MTERF4: variants seen among roughly 807,000 people sequenced by gnomAD.
The protein encoded by MTERF4 is mitochondrial transcription termination factor 4, also known as transcription termination factor 4, mitochondrial.
Under a neutral mutation model 22.5 loss-of-function variants are expected in MTERF4, and 17 were observed. The observed-to-expected ratio is 0.75, with a 90% CI of 0.52 to 1.13. The LOEUF is 1.13. Among genes scored for constraint, MTERF4 ranks in the 50% most tolerant of loss-of-function variants. MTERF4 has a pLI of 0.00. For synonymous variants in MTERF4, 165 were observed against 175.3 expected, an observed-to-expected ratio of 0.94 and a Z score of 0.47; for missense variants, 420 against 466.8, an observed-to-expected ratio of 0.90 and a Z score of 0.92.
intron 1 of MTERF4, 74 bp downstream of exon 1, chr2:241,102,179 C>A (rs533974160): frequency 1.3e-6 from 2 of 1,543,680 alleles, no homozygotes; most frequent in East Asian, 4.9e-5. Context: ...AAACACTCGG[C>A]GGCCGCGGTT....
the MTERF4 span, chr2:241,048,624 GC>G: frequency 6.4e-7 from 1 of 1,558,326 alleles, no homozygotes; most frequent in East Asian, 2.4e-5. Context: ...ATCTTTCTGC[GC>G]CCCCACATGG....
the MTERF4 span, among the ~76,000 whole-genome samples, chr2:241,043,679 A>T: frequency 6.6e-6 from 1 of 152,228 alleles, no homozygotes; most frequent in Non-Finnish European, 1.5e-5. Flanking sequence ...AATAAAATAG[A>T]TGACTCCAAT....
At chr2:241,101,068 G>C (rs987981881) in intron 1 of MTERF4, 1 of 433,414 alleles carries the variant, frequency 2.3e-6, no homozygotes, top group Non-Finnish European at 5.0e-6. Context: ...GACTGGTGAG[G>C]GGTTTCAGGA....
At chr2:241,065,330 G>A in the MTERF4 span, 3 of 1,612,950 alleles carry the variant, frequency 1.9e-6, no homozygotes, top group South Asian at 3.3e-5. Context: ...TCAAGATGGA[G>A]AGAGTGGAGG....
At chr2:241,069,919 G>T, downstream of MTERF4, 1 of 1,611,654 alleles carries the variant, frequency 6.2e-7, no homozygotes. The surrounding 1 kb of genome is among the most constrained non-coding windows in gnomAD (Gnocchi z 4.9). Context: ...GCCTCATCCA[G>T]GGCCCCTGCC....
chr2:241,052,117 T>C, the MTERF4 span: 12 of 1,613,568 alleles, frequency 7.4e-6, no homozygotes, highest in Non-Finnish European at 5.9e-6. Flanking sequence ...AATACAAGTG[T>C]GACTGTCCCC....
At chr2:241,052,401 C>T in the MTERF4 span, 34 of 1,597,868 alleles carry the variant, frequency 2.1e-5, no homozygotes, top group East Asian at 2.2e-4. Flanking sequence ...GGGGCACCTG[C>T]GAGGACCGGG....
the MTERF4 span, among the ~76,000 whole-genome samples, chr2:241,058,313 A>G: frequency 1.3e-5 from 2 of 152,062 alleles, no homozygotes; most frequent in African/African-American, 2.4e-5. Flanking sequence ...AGAAACTGAC[A>G]TTAATACCAA....
downstream of MTERF4, chr2:241,089,234 T>C: frequency 1.4e-6 from 2 of 1,438,952 alleles, no homozygotes; most frequent in Non-Finnish European, 1.9e-6. Context: ...GAATCTCTGG[T>C]TGGCCTAGGA....
chr2:241,099,347 T>C (rs1188503774), intron 2 of MTERF4, 49 bp downstream of exon 2: 1 of 1,569,468 alleles, frequency 6.4e-7, no homozygotes, highest in African/African-American at 1.4e-5. Context: ...AGATCTGGGA[T>C]TACAGGCATG....
chr2:241,099,400 T>C lies in MTERF4; in HGVS notation c.516A>G (p.Gly172=). 2 of 1,612,244 alleles carry C rather than the reference T, an allele frequency of 1.2e-6. No homozygotes were observed. Among genetic ancestry groups the C allele is most frequent in the East Asian group, 4.5e-5 (2 of 44,862 alleles). Residue 172 remains glycine, a synonymous_variant, in exon 2 of 4, where the codon GGA becomes GGG. Coordinates refer to ENST00000391980, the MANE Select transcript of MTERF4 (RefSeq NM_182501.4). ...RSSYLQKLGL[G]EGKLKRVLYC... ...AAAATCTGCAACTTCTTGTACCTTC[T>C]CCAAGCCCAAGCTTTTGCAGGTAAC...
chr2:241,080,951 G>T (rs1480562244), intron 4 of MTERF4, among the ~76,000 whole-genome samples: 2 of 152,244 alleles, frequency 1.3e-5, no homozygotes, highest in Non-Finnish European at 2.9e-5. Flanking sequence ...ACACAGGTCT[G>T]TGAGAGGACA....
chr2:241,082,499 A>G, downstream of MTERF4: 1 of 635,426 alleles, frequency 1.6e-6, no homozygotes. Flanking sequence ...TGCTTTGACC[A>G]TCGATTCCCT....
In MTERF4 at chr2:241,095,986, C is replaced by A. The variant is rs371427435; in HGVS notation, c.*12G>T. 6.2e-7 allele frequency: 1 copy of A among 1,612,400 alleles called. No individual in the cohort carries two copies. Among genetic ancestry groups the A allele is most frequent in the Middle Eastern group, 1.7e-4 (1 of 6,054 alleles). On this transcript the variant is annotated 3_prime_UTR_variant, in exon 4 of 4. Coordinates refer to ENST00000391980, the MANE Select transcript of MTERF4 (RefSeq NM_182501.4). Reference sequence around the variant, plus strand: ...ATCTCTGGGCCCTTTCGCTCTAGTCCTTCCATCACAGCTATTCCTCCTCGT... The same window carrying A: ...ATCTCTGGGCCCTTTCGCTCTAGTCATTCCATCACAGCTATTCCTCCTCGT...
chr2:241,050,739 C>A, the MTERF4 span, among the ~76,000 whole-genome samples: 3 of 152,192 alleles, frequency 2.0e-5, no homozygotes, highest in Non-Finnish European at 4.4e-5. Context: ...CCTAGGACCA[C>A]CCTGAGGCCC....
chr2:241,088,271 C>A, downstream of MTERF4: 1 of 865,618 alleles, frequency 1.2e-6, no homozygotes, highest in South Asian at 1.4e-5. Flanking sequence ...GAGCTAAAGA[C>A]AGGATCTCAG....
rs1347858966 is a variant in MTERF4 at position 241,078,393 on chromosome 2, AAAAAAGAAAGAAAG to A, written n.480-2725_480-2712del. Among the ~76,000 whole-genome samples the A allele has an allele frequency of 3.3e-5, 5 of 151,482 alleles. No individual in the cohort carries two copies. The East Asian group carries it at 5.8e-4, about 17-fold the overall frequency. ...ACTAGACTCCGTCTCAAAAAAAAAAAAAAAAGAAAGAAAGAAAAGAAAGGATAAGCAAAACATGG... is the reference window on the plus strand; with the variant it reads ...ACTAGACTCCGTCTCAAAAAAAAAAAAAAAGAAAGGATAAGCAAAACATGG... On this transcript the variant is annotated intron_variant and non_coding_transcript_variant, in intron 4 of 4. Coordinates refer to the MTERF4 transcript ENST00000464344.
chr2:241,057,678 T>C, the MTERF4 span, among the ~76,000 whole-genome samples: 1 of 151,950 alleles, frequency 6.6e-6, no homozygotes, highest in South Asian at 2.1e-4. Context: ...CAAGACCCTG[T>C]CTCTAAAAAA....
downstream of MTERF4, among the ~76,000 whole-genome samples, chr2:241,086,610 T>C (rs536663993): frequency 6.6e-6 from 1 of 152,360 alleles, no homozygotes; most frequent in East Asian, 1.9e-4. Context: ...TCCAGTTCTC[T>C]GGTTGTTCAC....
Sources: gnomAD v4.1 joint callset for allele counts (sites outside exome capture counted in the v4.1 genomes callset) on GRCh38, gnomAD v4.1.1 for gene constraint, Gnocchi (gnomAD v3.1) non-coding constraint, MANE v1.5 for transcripts, NCBI Gene and HGNC (gene_info 2026-07-23, HGNC 2026-07-21) for gene names.